Variants in LRRC8C observed in about 807,000 individuals in gnomAD.
LRRC8C encodes volume-regulated anion channel subunit LRRC8C.
In LRRC8C, 20 loss-of-function variants were observed where a neutral mutation model predicts 55.3. The ratio of observed to expected loss-of-function variants is 0.36; its 90% CI spans 0.25 to 0.53. The LOEUF (loss-of-function observed/expected upper bound fraction) is 0.53, where lower values mean the gene tolerates loss of function less well. Ranked by LOEUF, LRRC8C falls within the 20% of genes least tolerant of loss-of-function variation. The probability of loss-of-function intolerance (pLI) is 0.92; values close to 1 mark genes in which losing one functional copy is unlikely to be tolerated. For synonymous variants in LRRC8C, 376 were observed against 360.7 expected, an observed-to-expected ratio of 1.04 and a Z score of -0.48; for missense variants, 659 against 951.4, an observed-to-expected ratio of 0.69 and a Z score of 4.04.
At position 89,714,341 on chromosome 1, in the gene LRRC8C, C is replaced by T; in HGVS notation, c.1771C>T (p.Leu591=). 6.2e-7 allele frequency: 1 copy of T among 1,614,184 alleles called. No individual in the cohort carries two copies. Among genetic ancestry groups the T allele is most frequent in the Non-Finnish European group, 8.5e-7 (1 of 1,180,022 alleles). ...MLNNLKKMTN[L]TELELVHCDL... ...CAACAACTTAAAGAAGATGACCAAT[C>T]TGACAGAGCTGGAGCTGGTCCACTG... The change falls in exon 3 of 3, where the codon CTG becomes TTG. Residue 591 remains leucine (L), a synonymous_variant. Coordinates refer to ENST00000370454, the MANE Select transcript of LRRC8C (RefSeq NM_032270.5). The surrounding 1 kb of genome is among the most constrained non-coding windows in gnomAD (Gnocchi z 4.6).
In LRRC8C at chr1:89,659,053, TTTTTTTTTTG is replaced by T. The variant is rs1273580195; in HGVS notation, c.-5+25733_-5+25742del. ...TTAGGTTGTGTCTTCTCCAGGTTTT[TTTTTTTTTTG>T]TGTGTGTGTGTGTGTGTGTGTGTGT... On this transcript the variant is annotated intron_variant, in intron 1 of 2. Coordinates refer to ENST00000370454, the MANE Select transcript of LRRC8C (RefSeq NM_032270.5). Among the ~76,000 whole-genome samples, 343 of 59,358 alleles carry T rather than the reference TTTTTTTTTTG, an allele frequency of 5.8e-3. 17 individuals are homozygous for T. The highest frequency in any genetic ancestry group is 0.045 in the Admixed American group (264 of 5,930). 38.9% of individuals were successfully genotyped at this position (59,358 alleles called of 152,430 possible).
At chr1:89,687,034 T>C (rs1557661651) in intron 2 of LRRC8C, among the ~76,000 whole-genome samples, 1 of 152,240 alleles carries the variant, frequency 6.6e-6, no homozygotes. Flanking sequence ...GAGATATCAT[T>C]ATTTTACTGA....
At chr1:89,686,672 C>T in intron 2 of LRRC8C, 61 bp downstream of exon 2, 1 of 1,567,900 alleles carries the variant, frequency 6.4e-7, no homozygotes, top group East Asian at 2.3e-5. Flanking sequence ...ATTGAAACCT[C>T]TTTAGGGAGC....
At chr1:89,630,095 T>C (rs886545312), upstream of LRRC8C, among the ~76,000 whole-genome samples, 16 of 152,206 alleles carry the variant, frequency 1.1e-4, no homozygotes, top group African/African-American at 3.6e-4. Context: ...TGCTTGAACC[T>C]GGAAGGCGGA....
At chr1:89,690,423 C>A (rs868645177) in intron 2 of LRRC8C, among the ~76,000 whole-genome samples, 10 of 152,188 alleles carry the variant, frequency 6.6e-5, no homozygotes, top group South Asian at 2.1e-4. Context: ...AGGAAGGTGA[C>A]ATAGATTAGC....
chr1:89,631,763 A>T (rs144694805), upstream of LRRC8C: 1 of 152,308 alleles, frequency 6.6e-6, no homozygotes, highest in Admixed American at 6.5e-5. Context: ...AAGGCCTAAG[A>T]GAATTTAAGG....
rs1418118646 is a variant in LRRC8C at position 89,712,882 on chromosome 1, C to T, written c.312C>T (p.Asp104=). ...VEMKGLKTDL[D]LQQYSFINQM... ...TGAAAGGCCTGAAGACAGATTTGGA[C>T]CTTCAGCAGTACAGCTTTATAAATC... Residue 104 remains aspartate, a synonymous_variant, in exon 3 of 3, where the codon GAC becomes GAT. Transcript: ENST00000370454. 1 of 1,614,080 alleles carries T rather than the reference C, an allele frequency of 6.2e-7. No homozygotes were observed. The highest frequency in any genetic ancestry group is 1.3e-5 in the African/African-American group (1 of 74,930).
chr1:89,662,898 G>A (rs1026156996), intron 1 of LRRC8C, among the ~76,000 whole-genome samples: 5 of 152,114 alleles, frequency 3.3e-5, no homozygotes, highest in Middle Eastern at 6.8e-3. Flanking sequence ...AGGTATACAC[G>A]TGCCATGGTG....
chr1:89,632,792 G>C (rs1403273211), upstream of LRRC8C: 1 of 152,292 alleles, frequency 6.6e-6, no homozygotes, highest in Non-Finnish European at 1.5e-5. Context: ...CCAGGTGGGC[G>C]TCTCAGGGGT....
intron 2 of LRRC8C, among the ~76,000 whole-genome samples, chr1:89,706,789 C>T (rs570911780): frequency 3.3e-5 from 5 of 152,216 alleles, no homozygotes; most frequent in African/African-American, 4.8e-5. Context: ...CTTCCCCTCC[C>T]CCATAGAAAG....
At chr1:89,661,326 C>A (rs771113596) in intron 1 of LRRC8C, 3 of 356,856 alleles carry the variant, frequency 8.4e-6, no homozygotes, top group Non-Finnish European at 1.7e-5. Context: ...CTTTCTGTCC[C>A]AACTAACATC....
At chr1:89,694,801 T>G (rs1302232532) in intron 2 of LRRC8C, among the ~76,000 whole-genome samples, 1 of 151,876 alleles carries the variant, frequency 6.6e-6, no homozygotes, top group Non-Finnish European at 1.5e-5. Context: ...TTGGCCAGAA[T>G]GGTCTCAAAC....
chr1:89,694,497 T>C (rs1279252790), intron 2 of LRRC8C, among the ~76,000 whole-genome samples: 1 of 151,964 alleles, frequency 6.6e-6, no homozygotes, highest in East Asian at 1.9e-4. Flanking sequence ...TTGCGCAGGC[T>C]GCTTTGAAAC....
intron 1 of LRRC8C, among the ~76,000 whole-genome samples, chr1:89,665,752 C>G (rs141895674): frequency 6.6e-6 from 1 of 152,044 alleles, no homozygotes; most frequent in Non-Finnish European, 1.5e-5. Context: ...ATTATAAAGT[C>G]TACGGCAGTG....
intron 1 of LRRC8C, among the ~76,000 whole-genome samples, chr1:89,670,067 A>G (rs1463241846): frequency 6.6e-6 from 1 of 152,184 alleles, no homozygotes; most frequent in East Asian, 1.9e-4. Flanking sequence ...AGAAAATCTC[A>G]TTTGATCCCT....
chr1:89,676,017 C>G (rs1657538403), intron 1 of LRRC8C, among the ~76,000 whole-genome samples: 1 of 152,122 alleles, frequency 6.6e-6, no homozygotes, highest in Non-Finnish European at 1.5e-5. Context: ...GTAAGGATTT[C>G]TGAATTTAAA....
intron 2 of LRRC8C, among the ~76,000 whole-genome samples, chr1:89,689,158 A>T (rs1657960221): frequency 6.6e-6 from 1 of 152,258 alleles, no homozygotes; most frequent in Non-Finnish European, 1.5e-5. Context: ...TGCCAAATGA[A>T]GTTTATGATA....
chr1:89,657,291 T>A (rs1204097970), intron 1 of LRRC8C, among the ~76,000 whole-genome samples: 4 of 152,186 alleles, frequency 2.6e-5, no homozygotes, highest in African/African-American at 9.7e-5. Context: ...AAAACTGTAA[T>A]CAGTTCATAG....
the LRRC8C span, chr1:89,625,025 T>C: frequency 6.6e-6 from 1 of 152,146 alleles, no homozygotes; most frequent in Non-Finnish European, 1.5e-5. Context: ...AAATGCCTCA[T>C]TAGAGGAACG....
Sources: allele counts gnomAD v4.1 joint callset (sites outside exome capture counted in the v4.1 genomes callset), GRCh38; gene constraint gnomAD v4.1.1; non-coding constraint Gnocchi (gnomAD v3.1); transcripts MANE v1.5; gene names NCBI Gene and HGNC (gene_info 2026-07-23, HGNC 2026-07-21).